AMBRA1: variants seen among roughly 807,000 people sequenced by gnomAD.
AMBRA1 encodes the protein activating molecule in BECN1-regulated autophagy protein 1.
AMBRA1 carries 47 observed loss-of-function variants against 125.4 expected under a neutral mutation model. The ratio of observed to expected loss-of-function variants is 0.37; its 90% CI spans 0.30 to 0.48. AMBRA1 has a LOEUF of 0.48. Among genes scored for constraint, AMBRA1 ranks in the 20% least tolerant of loss-of-function variants. AMBRA1 has a pLI of 0.99. For synonymous variants in AMBRA1, 626 were observed against 655.5 expected (o/e 0.95, Z 0.69); for missense variants, 1,331 against 1,693.4 (o/e 0.79, Z 3.76).
chr11:46,417,739 A>G (rs1380889915), intron 15 of AMBRA1, among the ~76,000 whole-genome samples, 174 bp downstream of exon 15: 1 of 152,184 alleles, frequency 6.6e-6, no homozygotes, highest in Non-Finnish European at 1.5e-5. Flanking sequence ...TGAAATGGGG[A>G]GCTAATCCTA....
At chr11:46,557,387 G>T (rs1234662871) in intron 1 of AMBRA1, among the ~76,000 whole-genome samples, 1 of 151,340 alleles carries the variant, frequency 6.6e-6, no homozygotes, top group Non-Finnish European at 1.5e-5. Flanking sequence ...AGGCCACAAA[G>T]CCCTGTAAAC....
chr11:46,573,901 T>TGA (rs2043861643), intron 1 of AMBRA1, among the ~76,000 whole-genome samples: 1 of 142,560 alleles, frequency 7.0e-6, no homozygotes, highest in Non-Finnish European at 1.5e-5. Flanking sequence ...CACCTATGAG[T>TGA]GAGAATATGC....
In AMBRA1 at chr11:46,456,364, C is replaced by A. The variant is rs187530035; in HGVS notation, c.2522-12766G>T. Reference sequence around the variant, plus strand: ...ACCTCCACTAATACATTCCCCACAACCTGACACTGCCAATACTTAATCCCA... The same window carrying A: ...ACCTCCACTAATACATTCCCCACAAACTGACACTGCCAATACTTAATCCCA... On this transcript the variant is annotated intron_variant, in intron 11 of 17. Coordinates refer to ENST00000683756, the MANE Select transcript of AMBRA1 (RefSeq NM_001387011.1). 2.8e-3 allele frequency among the ~76,000 whole-genome samples: 429 copies of A among 152,288 alleles called. 5 individuals are homozygous for A. Among genetic ancestry groups the A allele is most frequent in the Non-Finnish European group, 1.7e-3 (118 of 68,026 alleles).
chr11:46,532,378 T>C (rs908481666), intron 7 of AMBRA1, among the ~76,000 whole-genome samples: 1 of 152,202 alleles, frequency 6.6e-6, no homozygotes, highest in African/African-American at 2.4e-5. Flanking sequence ...AGGAAGCTCC[T>C]GAAAACCCGT....
At chr11:46,434,792 G>A (rs1409679426) in intron 13 of AMBRA1, 57 bp downstream of exon 13, 1 of 1,512,432 alleles carries the variant, frequency 6.6e-7, no homozygotes, top group Non-Finnish European at 8.9e-7. Context: ...ACCTAGCAAT[G>A]ACCATGCCAA....
rs113953350 is a variant in AMBRA1, at chr11:46,470,689, G to A, written c.2521+22919C>T. ...AAGTGAGAGGATTGCTTGAGCCCAG[G>A]AGTTGGGTGCTTGCAGTGAGCCATG... is the stretch of plus-strand genomic sequence containing the variant. On this transcript the variant is annotated intron_variant, in intron 11 of 17. Coordinates refer to ENST00000683756, the MANE Select transcript of AMBRA1 (RefSeq NM_001387011.1). 9.1e-3 allele frequency among the ~76,000 whole-genome samples: 1,381 copies of A among 152,134 alleles called. 9 individuals are homozygous for A. The highest frequency in any genetic ancestry group is 0.034 in the Middle Eastern group (10 of 292).
chr11:46,566,026 C>T (rs1161994747), intron 1 of AMBRA1, among the ~76,000 whole-genome samples: 1 of 152,120 alleles, frequency 6.6e-6, no homozygotes, highest in Non-Finnish European at 1.5e-5. Context: ...GCTGGGAACA[C>T]AGGTGTGAGC....
intron 17 of AMBRA1, among the ~76,000 whole-genome samples, chr11:46,400,473 GTTTTTTTTTTTTTTTTTTTTTT>G (rs553040136): frequency 1.0e-4 from 5 of 48,874 alleles, no homozygotes; most frequent in Admixed American, 3.0e-4. Context: ...TCTTTCTATA[GTTTTTTTTTTTTTTTTTTTTTT>G]TTTTTTTTTT....
chr11:46,428,832 T>C (rs1463815648), intron 14 of AMBRA1: 3 of 1,611,416 alleles, frequency 1.9e-6, no homozygotes, highest in South Asian at 1.1e-5. Context: ...TCCAGACCTT[T>C]AGGCCGAGGC....
At chr11:46,432,057 TTC>T (rs1312285687) in intron 14 of AMBRA1, among the ~76,000 whole-genome samples, 5 of 152,142 alleles carry the variant, frequency 3.3e-5, no homozygotes, top group African/African-American at 1.2e-4. Context: ...TTTTTTGAGA[TTC>T]TCTTTCATTC....
chr11:46,428,579 TC>T, intron 14 of AMBRA1: 1 of 1,175,158 alleles, frequency 8.5e-7, no homozygotes, highest in South Asian at 1.3e-5. Flanking sequence ...TTCCACTTCT[TC>T]TTCTTCTTCT....
intron 1 of AMBRA1, among the ~76,000 whole-genome samples, chr11:46,572,046 TA>T (rs927673576): frequency 6.6e-6 from 1 of 152,146 alleles, no homozygotes; most frequent in African/African-American, 2.4e-5. Context: ...CTCACGCCTA[TA>T]ATCCCAGGAC....
At chr11:46,452,371 TGGG>T (rs1311384188) in intron 11 of AMBRA1, among the ~76,000 whole-genome samples, 1 of 152,118 alleles carries the variant, frequency 6.6e-6, no homozygotes, top group Admixed American at 6.6e-5. Context: ...GTTTTTTAGA[TGGG>T]GCCTCACTAT....
intron 5 of AMBRA1, among the ~76,000 whole-genome samples, chr11:46,544,379 A>C (rs542561441): frequency 4.9e-4 from 75 of 152,330 alleles, no homozygotes; most frequent in African/African-American, 1.7e-3. Context: ...ACTCTGCCAC[A>C]GAATCAGTTC....
chr11:46,447,708 GTAGATAGATAGATAGA>G (rs59044666), intron 11 of AMBRA1, among the ~76,000 whole-genome samples: 44,559 of 138,384 alleles, frequency 0.32, 7,578 homozygotes, highest in Non-Finnish European at 0.36. Context: ...AGACCATCTT[GTAGATAGATAGATAGA>G]TAGATAGATA....
intron 1 of AMBRA1, among the ~76,000 whole-genome samples, chr11:46,550,359 T>C (rs2042955189): frequency 1.3e-5 from 2 of 152,240 alleles, no homozygotes; most frequent in African/African-American, 4.8e-5. Context: ...ATTTTCAGAC[T>C]GTACCATCAT....
At chr11:46,445,926 A>G (rs1948260398) in intron 11 of AMBRA1, among the ~76,000 whole-genome samples, 1 of 152,220 alleles carries the variant, frequency 6.6e-6, no homozygotes, top group Non-Finnish European at 1.5e-5. Context: ...TAAGAACTAC[A>G]AACAGGAAAA....
intron 11 of AMBRA1, among the ~76,000 whole-genome samples, chr11:46,445,690 T>G (rs1948250510): frequency 6.6e-6 from 1 of 152,198 alleles, no homozygotes; most frequent in Admixed American, 6.5e-5. Flanking sequence ...TCCGAATTGT[T>G]TCCTGGGCTT....
At chr11:46,563,328 G>A (rs911460112) in intron 1 of AMBRA1, among the ~76,000 whole-genome samples, 1 of 152,130 alleles carries the variant, frequency 6.6e-6, no homozygotes, top group Non-Finnish European at 1.5e-5. Flanking sequence ...AGGAGTAAGT[G>A]ATCTTCCCAT....
Sources: gnomAD v4.1 joint callset for allele counts (sites outside exome capture counted in the v4.1 genomes callset) on GRCh38, gnomAD v4.1.1 for gene constraint, MANE v1.5 for transcripts, NCBI Gene and HGNC (gene_info 2026-07-23, HGNC 2026-07-21) for gene names.